The following RNF144B variants were observed in gnomAD, a reference collection of about 807,000 sequenced individuals.
RNF144B encodes the protein E3 ubiquitin-protein ligase RNF144B.
Under a neutral mutation model 40.2 loss-of-function variants are expected in RNF144B, and 25 were observed. The ratio of observed to expected loss-of-function variants is 0.62; its 90% confidence interval spans 0.45 to 0.87. The LOEUF (loss-of-function observed/expected upper bound fraction) is 0.87, where lower values mean the gene tolerates loss of function less well. RNF144B is among the 40% of genes least tolerant of loss of function. RNF144B has a pLI of 0.00. For synonymous variants in RNF144B, 145 were observed against 136.3 expected, an observed-to-expected ratio of 1.06 and a Z score of -0.44; for missense variants, 365 against 373.7, an observed-to-expected ratio of 0.98 and a Z score of 0.19.
In RNF144B at chr6:18,444,673, T is replaced by A. The variant is rs1460276212; in HGVS notation, c.331+4929T>A. Among the ~76,000 whole-genome samples, 1 of 151,826 alleles carries A rather than the reference T, an allele frequency of 6.6e-6. No homozygotes were observed. ...TTGTGTCATATTGTTCTCCTTCATT[T>A]AAAAAAAAGTGAAATAGGAAGTTGT... On this transcript the variant is annotated intron_variant, in intron 4 of 7. Coordinates refer to ENST00000259939, the MANE Select transcript of RNF144B (RefSeq NM_182757.4). The surrounding 1 kb of genome is among the most constrained non-coding windows in gnomAD (Gnocchi z 4.3).
Position 18,425,598 on chromosome 6 carries a change from A to G in RNF144B, c.166-1983A>G, listed in dbSNP as rs1266206753. On this transcript the variant is annotated intron_variant, in intron 2 of 7. Coordinates refer to ENST00000259939, the MANE Select transcript of RNF144B (RefSeq NM_182757.4). The surrounding 1 kb of genome is among the most constrained non-coding windows in gnomAD (Gnocchi z 4.2). ...GGCACAGTAAATCCTAGAGCAAGTG[A>G]TTTTTCACCCTTCTGTTGAACAAGG... 6.6e-6 allele frequency among the ~76,000 whole-genome samples: 1 copy of G among 152,098 alleles called. No homozygotes were observed. The highest frequency in any genetic ancestry group is 1.9e-4 in the East Asian group (1 of 5,188).
In RNF144B at chr6:18,406,352, C is replaced by T. The variant is rs1347685123; in HGVS notation, c.165+6653C>T. ...AATGGGGAACAAGCCATACAGATAT[C>T]TGGGAGAAGAGGGTTGTAGGCAGAG... On this transcript the variant is annotated intron_variant, in intron 2 of 7. Transcript: ENST00000259939. The surrounding 1 kb of genome is among the most constrained non-coding windows in gnomAD (Gnocchi z 4.2). Among the ~76,000 whole-genome samples, 1 of 151,844 alleles carries T rather than the reference C, an allele frequency of 6.6e-6. No homozygotes were observed. The highest frequency in any genetic ancestry group is 6.6e-5 in the Admixed American group (1 of 15,230).
rs1794670251 is a variant in RNF144B, at chr6:18,395,252, G to A, written c.-36-4247G>A. Among the ~76,000 whole-genome samples, 1 of 152,180 alleles carries A rather than the reference G, an allele frequency of 6.6e-6. No individual in the cohort carries two copies. The highest frequency in any genetic ancestry group is 2.4e-5 in the African/African-American group (1 of 41,450). ...TGAGTTAGCCTCTTTCTGGAATGAA[G>A]ACTTTTCTTGAAACCTGGAGGGGAG... On this transcript the variant is annotated intron_variant, in intron 1 of 7. Coordinates refer to ENST00000259939, the MANE Select transcript of RNF144B (RefSeq NM_182757.4). This position sits in a 1 kb window ranked among gnomAD's most constrained non-coding sequence, Gnocchi z 4.5.
intron 3 of RNF144B, among the ~76,000 whole-genome samples, chr6:18,428,069 G>T (rs530698560): frequency 6.6e-6 from 1 of 152,226 alleles, no homozygotes; most frequent in South Asian, 2.1e-4. Context: ...AATCATGGGG[G>T]CGGTTCCCCC....
chr6:18,430,224 T>C (rs961099784), intron 3 of RNF144B, among the ~76,000 whole-genome samples: 1 of 152,226 alleles, frequency 6.6e-6, no homozygotes, highest in African/African-American at 2.4e-5. Context: ...TTGCTGAGTG[T>C]TCAGCAGTCA....
At position 18,465,708 on chromosome 6, in the gene RNF144B, A is replaced by G. The variant is rs1308780631; in HGVS notation, c.*641A>G. 6.6e-6 allele frequency: 1 copy of G among 152,284 alleles called. No homozygotes were observed. The highest frequency in any genetic ancestry group is 6.5e-5 in the Admixed American group (1 of 15,282). The allele number at this position is 152,284 out of a possible 1,614,324, so 9.4% of individuals were successfully genotyped here. ...TCAAGCAGGTGAAACTGCTGTGCAG[A>G]GGGAGTTGCCCCTTCCCAGTAAAAG... On this transcript the variant is annotated 3_prime_UTR_variant, in exon 8 of 8. Coordinates refer to ENST00000259939, the MANE Select transcript of RNF144B (RefSeq NM_182757.4).
chr6:18,440,522 T>C (rs866622495), intron 4 of RNF144B, among the ~76,000 whole-genome samples: 10 of 152,114 alleles, frequency 6.6e-5, no homozygotes, highest in Admixed American at 2.0e-4. Context: ...CTTTTAAATA[T>C]GTATTCATAA....
intron 2 of RNF144B, among the ~76,000 whole-genome samples, chr6:18,404,390 C>T (rs979850727): frequency 6.6e-6 from 1 of 152,168 alleles, no homozygotes; most frequent in Middle Eastern, 3.2e-3. Flanking sequence ...CTTCTCTAGA[C>T]TTTAGTTTCT....
intron 2 of RNF144B, among the ~76,000 whole-genome samples, chr6:18,420,637 C>A (rs1050192101): frequency 6.6e-6 from 1 of 151,922 alleles, no homozygotes; most frequent in Non-Finnish European, 1.5e-5. Context: ...ATTTGGGGAG[C>A]GGGGGAGGTT....
intron 2 of RNF144B, among the ~76,000 whole-genome samples, chr6:18,420,410 G>A (rs1287826832): frequency 6.6e-6 from 1 of 152,016 alleles, no homozygotes; most frequent in Non-Finnish European, 1.5e-5. Flanking sequence ...TCCTGTGATT[G>A]ATTAGGTGCT....
intron 1 of RNF144B, chr6:18,396,847 A>G (rs370051086): frequency 6.1e-6 from 6 of 983,752 alleles, no homozygotes; most frequent in South Asian, 4.7e-5. Flanking sequence ...TTTTACCCGT[A>G]TGTTTATCAT....
At chr6:18,394,612 A>G (rs1230937033) in intron 1 of RNF144B, among the ~76,000 whole-genome samples, 1 of 130,688 alleles carries the variant, frequency 7.7e-6, no homozygotes, top group Non-Finnish European at 1.7e-5. Flanking sequence ...CCCCCAACCA[A>G]GAAAAAAAAA....
chr6:18,429,239 A>G (rs562969097), intron 3 of RNF144B, among the ~76,000 whole-genome samples: 2 of 152,112 alleles, frequency 1.3e-5, no homozygotes, highest in Non-Finnish European at 2.9e-5. Context: ...AGGTAGGTAG[A>G]TAGAATGTAT....
At chr6:18,387,658 A>T in intron 1 of RNF144B, 28 bp downstream of exon 1, 1 of 1,290,212 alleles carries the variant, frequency 7.8e-7, no homozygotes, top group Non-Finnish European at 1.0e-6. Flanking sequence ...TTTAAAGGCT[A>T]CAGGCGTTGC....
Position 18,402,477 on chromosome 6 carries a change from A to G in RNF144B, c.165+2778A>G, listed in dbSNP as rs1245798447. Among the ~76,000 whole-genome samples, 8 of 88,618 alleles carry G rather than the reference A, an allele frequency of 9.0e-5. 4 individuals carry two copies. The highest frequency in any genetic ancestry group is 2.3e-4 in the Admixed American group (2 of 8,542). The allele number at this position is 88,618 out of a possible 152,430, so 58.1% of individuals were successfully genotyped here. ...CTCTGGGAAACAGAGATATCCTTGAATGAAATGTTCCATGGTCAAATTAGC... is the reference window on the plus strand; with the variant it reads ...CTCTGGGAAACAGAGATATCCTTGAGTGAAATGTTCCATGGTCAAATTAGC... On this transcript the variant is annotated intron_variant, in intron 2 of 7. Coordinates refer to ENST00000259939, the MANE Select transcript of RNF144B (RefSeq NM_182757.4).
intron 3 of RNF144B, among the ~76,000 whole-genome samples, chr6:18,433,867 C>T (rs12524807): frequency 2.6e-5 from 4 of 152,038 alleles, no homozygotes; most frequent in Non-Finnish European, 5.9e-5. Flanking sequence ...TCGTTCTCTG[C>T]GTTGTGAAAA....
At position 18,458,095 on chromosome 6, in the gene RNF144B, G is replaced by T. The variant is rs970723268; in HGVS notation, c.536+736G>T. 6.6e-6 allele frequency among the ~76,000 whole-genome samples: 1 copy of T among 151,988 alleles called. No individual in the cohort carries two copies. The highest frequency in any genetic ancestry group is 2.4e-5 in the African/African-American group (1 of 41,388). ...TGGGATTGCAGGCACTTGCCACCAC[G>T]CCTGGCTAATTTTTCTATTTTTAGT... On this transcript the variant is annotated intron_variant, in intron 5 of 7. Transcript: ENST00000259939. The surrounding 1 kb of genome is among the most constrained non-coding windows in gnomAD (Gnocchi z 4.8).
chr6:18,418,830 T>TAA lies in RNF144B; in HGVS notation c.166-8750_166-8749dup, dbSNP rs1795197594. 6.6e-6 allele frequency among the ~76,000 whole-genome samples: 1 copy of TAA among 151,702 alleles called. No homozygotes were observed. The highest frequency in any genetic ancestry group is 1.5e-5 in the Non-Finnish European group (1 of 67,938). On this transcript the variant is annotated intron_variant, in intron 2 of 7. Coordinates refer to ENST00000259939, the MANE Select transcript of RNF144B (RefSeq NM_182757.4). This position sits in a 1 kb window ranked among gnomAD's most constrained non-coding sequence, Gnocchi z 5.2. ...ATCATATATAATAATGCTATATATA[T>TAA]AATATACACTGACACCTGGATCCTT...
chr6:18,460,335 G>C lies in RNF144B; in HGVS notation c.681+584G>C, dbSNP rs1582449926. Among the ~76,000 whole-genome samples the C allele has an allele frequency of 6.6e-6, 1 of 152,114 alleles. No homozygotes were observed. Among genetic ancestry groups the C allele is most frequent in the Non-Finnish European group, 1.5e-5 (1 of 68,018 alleles). On this transcript the variant is annotated intron_variant, in intron 6 of 7. Coordinates refer to ENST00000259939, the MANE Select transcript of RNF144B (RefSeq NM_182757.4). This position sits in a 1 kb window ranked among gnomAD's most constrained non-coding sequence, Gnocchi z 4.4. ...CTCCCTCTGACCACAGCTGGGAAAG[G>C]TTCTCTGCCTGAAGGACCAATGTGA...
Sources: gnomAD v4.1 joint callset for allele counts (sites outside exome capture counted in the v4.1 genomes callset) on GRCh38, gnomAD v4.1.1 for gene constraint, Gnocchi (gnomAD v3.1) non-coding constraint, MANE v1.5 for transcripts, NCBI Gene and HGNC (gene_info 2026-07-23, HGNC 2026-07-21) for gene names.